Variants in NAA25 observed in about 807,000 individuals in gnomAD.
The protein encoded by NAA25 is N-alpha-acetyltransferase 25, NatB auxiliary subunit, also known as N-terminal acetyltransferase B complex subunit NAA25.
NAA25 carries 30 observed loss-of-function variants against 132.5 expected under a neutral mutation model. That is an observed-to-expected ratio of 0.23 (90% CI 0.17 to 0.31). NAA25 has a LOEUF of 0.31. Among genes scored for constraint, NAA25 ranks in the 10% least tolerant of loss-of-function variants. The pLI, the probability that NAA25 is intolerant of heterozygous loss-of-function variation, is 1.00. For missense variants in NAA25, 771 were observed against 1,150.4 expected (o/e 0.67, Z 4.77); for synonymous variants, 359 against 401.9 (o/e 0.89, Z 1.28).
intron 11 of NAA25, among the ~76,000 whole-genome samples, chr12:112,068,440 T>C (rs1448356904): frequency 6.6e-6 from 1 of 152,098 alleles, no homozygotes; most frequent in Non-Finnish European, 1.5e-5. Flanking sequence ...AATCAGTGCA[T>C]GCAAAACTGG....
At chr12:112,085,525 T>C (rs756394551) in intron 4 of NAA25, among the ~76,000 whole-genome samples, 1 of 152,146 alleles carries the variant, frequency 6.6e-6, no homozygotes, top group Non-Finnish European at 1.5e-5. Flanking sequence ...TCTTTATATG[T>C]CAACCATATA....
At chr12:112,088,538 T>A (rs1478842510) in intron 3 of NAA25, among the ~76,000 whole-genome samples, 1 of 151,778 alleles carries the variant, frequency 6.6e-6, no homozygotes, top group African/African-American at 2.4e-5. Context: ...GGCTGTACTA[T>A]AGCATTTATT....
chr12:112,047,994 A>C (rs1029007639), intron 16 of NAA25, among the ~76,000 whole-genome samples: 2 of 152,182 alleles, frequency 1.3e-5, no homozygotes, highest in African/African-American at 4.8e-5. Flanking sequence ...AACAAAGGGG[A>C]TCAGCATTAA....
intron 14 of NAA25, among the ~76,000 whole-genome samples, chr12:112,053,912 A>C (rs190218872): frequency 1.2e-4 from 18 of 152,118 alleles, no homozygotes; most frequent in Admixed American, 1.0e-3. Context: ...TCTGATGATT[A>C]ATGACACATA....
intron 1 of NAA25, among the ~76,000 whole-genome samples, chr12:112,103,733 C>G (rs2079325345): frequency 1.3e-5 from 2 of 152,248 alleles, no homozygotes; most frequent in South Asian, 2.1e-4. Context: ...CTTTTTGGCA[C>G]TAGGGACCGA....
intron 14 of NAA25, 29 bp from the exon 15 acceptor site, chr12:112,053,686 A>T: frequency 6.6e-7 from 1 of 1,522,482 alleles, no homozygotes; most frequent in Non-Finnish European, 9.0e-7. Flanking sequence ...AGGAAAAAAA[A>T]AGACATGTTA....
chr12:112,095,820 A>C (rs1406759633), intron 1 of NAA25, among the ~76,000 whole-genome samples: 3 of 152,158 alleles, frequency 2.0e-5, no homozygotes, highest in African/African-American at 7.2e-5. Flanking sequence ...TGGTTGACAG[A>C]GGATGGAGGT....
intron 5 of NAA25, among the ~76,000 whole-genome samples, chr12:112,080,014 C>T (rs993586406): frequency 1.3e-5 from 2 of 152,092 alleles, no homozygotes; most frequent in African/African-American, 4.8e-5. Context: ...GGCGCGGTGG[C>T]TCATGCCTGT....
chr12:112,093,037 G>A lies in NAA25; in HGVS notation c.144+14C>T, dbSNP rs1430583021. The A allele has an allele frequency of 6.3e-7, 1 of 1,580,536 alleles. No homozygotes were observed. The highest frequency in any genetic ancestry group is 1.7e-5 in the Admixed American group (1 of 57,514). ...CCCGCCACAGGTAAGTAACTGAAGG[G>A]CAAATGAAGTTACCTTAGCACAATG... On this transcript the variant is annotated intron_variant, in intron 2 of 23. Coordinates refer to ENST00000261745, the MANE Select transcript of NAA25 (RefSeq NM_024953.4).
chr12:112,052,498 C>T (rs1251471288), intron 15 of NAA25, among the ~76,000 whole-genome samples: 1 of 152,166 alleles, frequency 6.6e-6, no homozygotes, highest in Non-Finnish European at 1.5e-5. Context: ...GGCTGCTTTC[C>T]ACCTGCTTAG....
chr12:112,042,488 A>C (rs904917843), intron 19 of NAA25, among the ~76,000 whole-genome samples: 3 of 151,872 alleles, frequency 2.0e-5, no homozygotes, highest in Admixed American at 1.3e-4. Context: ...TTCTCTACAA[A>C]GTTTAGTGCT....
intron 15 of NAA25, among the ~76,000 whole-genome samples, chr12:112,051,085 A>G (rs940680215): frequency 4.6e-5 from 7 of 152,208 alleles, no homozygotes; most frequent in Non-Finnish European, 7.3e-5. Flanking sequence ...CACAAGGTTG[A>G]ACACACACAG....
intron 2 of NAA25, among the ~76,000 whole-genome samples, chr12:112,091,293 G>A (rs935870845): frequency 2.0e-5 from 3 of 151,080 alleles, no homozygotes; most frequent in Admixed American, 6.6e-5. Context: ...GCACTCATGC[G>A]TATAACACTT....
Position 112,043,642 on chromosome 12 carries a change from T to A in NAA25, c.2233A>T (p.Ile745Phe), listed in dbSNP as rs1413562668. ...EATLETGKRF[I>F]EKDIQYPFLG... is the part of the protein sequence containing the mutation. ...GATGGTACCTGAATATCCTTCTCAA[T>A]AAATCGCTTTCCTGTCTCCAGGGTT... Residue 745 changes from isoleucine to phenylalanine, a missense_variant, in exon 18 of 24, where the codon ATT becomes TTT. Ile to Phe is a conservative substitution (Grantham distance 21). Around this residue, in one of 3 missense-constraint regions of NAA25, gnomAD observed 324 missense variants for 400.0 expected, o/e 0.81. Transcript: ENST00000261745. 2 of 1,614,198 alleles carry A rather than the reference T, an allele frequency of 1.2e-6. No homozygotes were observed. The highest frequency in any genetic ancestry group is 8.5e-7 in the Non-Finnish European group (1 of 1,180,030).
chr12:112,072,205 G>A (rs1359945173), intron 9 of NAA25, 141 bp from the exon 10 acceptor site: 14 of 642,172 alleles, frequency 2.2e-5, no homozygotes, highest in Non-Finnish European at 3.3e-5. Flanking sequence ...AGAGAACTAT[G>A]AACATATTCT....
chr12:112,046,641 T>A (rs900318831), intron 17 of NAA25, among the ~76,000 whole-genome samples: 1 of 152,252 alleles, frequency 6.6e-6, no homozygotes, highest in Non-Finnish European at 1.5e-5. Context: ...TTGATACATA[T>A]CACTACAACT....
At chr12:112,078,571 T>G in intron 6 of NAA25, 63 bp downstream of exon 6, 1 of 1,378,064 alleles carries the variant, frequency 7.3e-7, no homozygotes, top group Non-Finnish European at 1.0e-6. Flanking sequence ...CATAGTATTA[T>G]AACATAATAT....
At chr12:112,104,291 C>T (rs187111494) in intron 1 of NAA25, among the ~76,000 whole-genome samples, 2 of 152,130 alleles carry the variant, frequency 1.3e-5, no homozygotes, top group Admixed American at 6.6e-5. Flanking sequence ...TTCTATTATG[C>T]AATTTGCTGA....
chr12:112,081,181 G>A (rs1337459913), intron 4 of NAA25, 47 bp from the exon 5 acceptor site: 1 of 1,477,070 alleles, frequency 6.8e-7, no homozygotes, highest in Non-Finnish European at 9.4e-7. Context: ...CCATACAGAA[G>A]GGGATTAATG....
Sources: allele counts gnomAD v4.1 joint callset (sites outside exome capture counted in the v4.1 genomes callset), GRCh38; gene constraint gnomAD v4.1.1; regional missense constraint gnomAD v4.1.1; transcripts MANE v1.5; gene names NCBI Gene and HGNC (gene_info 2026-07-23, HGNC 2026-07-21).